Variants in PDE1A observed in about 807,000 individuals in gnomAD.
PDE1A encodes the protein dual specificity calcium/calmodulin-dependent 3',5'-cyclic nucleotide phosphodiesterase 1A.
Under a neutral mutation model 61.7 loss-of-function variants are expected in PDE1A, and 35 were observed. The observed-to-expected ratio is 0.57, with a 90% CI of 0.43 to 0.75. The LOEUF is 0.75. Among genes scored for constraint, PDE1A ranks in the 30% least tolerant of loss-of-function variants. The pLI, the probability that PDE1A is intolerant of heterozygous loss-of-function variation, is 0.00. For synonymous variants in PDE1A, 232 were observed against 213.2 expected, an observed-to-expected ratio of 1.09 and a Z score of -0.77; for missense variants, 597 against 630.6, an observed-to-expected ratio of 0.95 and a Z score of 0.57.
intron 1 of PDE1A, among the ~76,000 whole-genome samples, chr2:182,283,609 T>A (rs1044557549): frequency 2.0e-5 from 3 of 152,002 alleles, no homozygotes; most frequent in African/African-American, 7.2e-5. Context: ...AAAAAATGAG[T>A]TAAATCTTGA....
chr2:182,679,957 GC>G, the PDE1A span, among the ~76,000 whole-genome samples: 2 of 152,142 alleles, frequency 1.3e-5, no homozygotes, highest in African/African-American at 4.8e-5. Flanking sequence ...ACATTATCAA[GC>G]CTCAAAAATT....
chr2:182,259,121 G>A (rs1242268743), intron 2 of PDE1A, among the ~76,000 whole-genome samples: 3 of 152,104 alleles, frequency 2.0e-5, no homozygotes, highest in Non-Finnish European at 2.9e-5. Context: ...CCTAAATGAC[G>A]CTCAATTTCT....
At chr2:182,695,744 C>T in the PDE1A span, among the ~76,000 whole-genome samples, 9 of 148,260 alleles carry the variant, frequency 6.1e-5, no homozygotes, top group Non-Finnish European at 1.3e-4. Context: ...GGAGGAAATA[C>T]TTGCAAACAA....
chr2:182,441,925 A>C (rs79048948), intron 2 of PDE1A, among the ~76,000 whole-genome samples: 1 of 151,948 alleles, frequency 6.6e-6, no homozygotes, highest in Admixed American at 6.6e-5. Flanking sequence ...AAATGAATGA[A>C]TACATTAGGA....
intron 2 of PDE1A, among the ~76,000 whole-genome samples, chr2:182,486,902 T>C (rs1389610572): frequency 6.6e-6 from 1 of 152,076 alleles, no homozygotes; most frequent in Non-Finnish European, 1.5e-5. Context: ...GCATAATCCA[T>C]AAGGGAAAAT....
the PDE1A span, among the ~76,000 whole-genome samples, chr2:182,667,610 G>A: frequency 6.6e-6 from 1 of 152,188 alleles, no homozygotes; most frequent in Non-Finnish European, 1.5e-5. Flanking sequence ...GAAGTCTTTG[G>A]AGTCCTAAAC....
At chr2:182,453,271 C>T (rs928639870) in intron 2 of PDE1A, among the ~76,000 whole-genome samples, 8 of 151,980 alleles carry the variant, frequency 5.3e-5, no homozygotes, top group East Asian at 1.9e-4. Context: ...GAAGCTGATA[C>T]GGTGATGAAA....
chr2:182,592,898 G>C, the PDE1A span, among the ~76,000 whole-genome samples: 1 of 151,888 alleles, frequency 6.6e-6, no homozygotes, highest in Non-Finnish European at 1.5e-5. Flanking sequence ...AATCCACCCA[G>C]TTAGGAACCG....
chr2:182,235,237 G>A lies in PDE1A; in HGVS notation c.351-739C>T, dbSNP rs1447873761. On this transcript the variant is annotated intron_variant, in intron 3 of 13. Transcript: ENST00000351439. ...GTGCTCAATGCAAGCTCCGCCTCCC[G>A]GGTTCAAGTGATTCTCCTGCCTCAG... Among the ~76,000 whole-genome samples, 8 of 152,048 alleles carry A rather than the reference G, an allele frequency of 5.3e-5. No homozygotes were observed. The South Asian group carries it at 1.0e-3, about 20-fold the overall frequency.
At chr2:182,486,331 T>C (rs966151451) in intron 2 of PDE1A, among the ~76,000 whole-genome samples, 4 of 152,034 alleles carry the variant, frequency 2.6e-5, no homozygotes, top group African/African-American at 7.2e-5. Flanking sequence ...ACATTATATG[T>C]TTATGATGAA....
chr2:182,702,076 C>T, the PDE1A span, among the ~76,000 whole-genome samples: 1 of 152,136 alleles, frequency 6.6e-6, no homozygotes, highest in Non-Finnish European at 1.5e-5. Flanking sequence ...CATGCATAAA[C>T]AGTAATAATT....
chr2:182,709,464 TAAAC>T, the PDE1A span, among the ~76,000 whole-genome samples: 3 of 152,172 alleles, frequency 2.0e-5, no homozygotes, highest in Middle Eastern at 3.2e-3. Flanking sequence ...GAAGGAAAGA[TAAAC>T]AAAACCAGAT....
chr2:182,602,988 CACACACATACATACAT>C, the PDE1A span, among the ~76,000 whole-genome samples: 14 of 125,934 alleles, frequency 1.1e-4, no homozygotes, highest in African/African-American at 7.6e-5. Context: ...ACATCACACA[CACACACATACATACAT>C]ACATACATAC....
intron 1 of PDE1A, among the ~76,000 whole-genome samples, chr2:182,371,030 T>C (rs181875655): frequency 1.6e-4 from 25 of 152,110 alleles, no homozygotes; most frequent in African/African-American, 5.8e-4. Flanking sequence ...ATCTGAGAAA[T>C]ACAAAGAAAA....
the PDE1A span, among the ~76,000 whole-genome samples, chr2:182,591,616 T>C: frequency 6.6e-6 from 1 of 152,160 alleles, no homozygotes; most frequent in Non-Finnish European, 1.5e-5. Flanking sequence ...TTATACATTG[T>C]AGGGTTTTCC....
At chr2:182,553,904 A>ATGC in the PDE1A span, among the ~76,000 whole-genome samples, 1 of 152,338 alleles carries the variant, frequency 6.6e-6, no homozygotes, top group African/African-American at 2.4e-5. Context: ...TGGTGGGTGC[A>ATGC]TGCCGAAAAG....
chr2:182,179,462 C>A (rs1684558726), intron 13 of PDE1A, among the ~76,000 whole-genome samples: 1 of 151,704 alleles, frequency 6.6e-6, no homozygotes, highest in Non-Finnish European at 1.5e-5. Context: ...TAAAATTATA[C>A]AAAGAGGGAT....
At chr2:182,644,128 TACAC>T in the PDE1A span, among the ~76,000 whole-genome samples, 1,027 of 129,518 alleles carry the variant, frequency 7.9e-3, 7 homozygotes, top group Non-Finnish European at 0.012. Context: ...AATCAATGAT[TACAC>T]ACACACACAC....
chr2:182,423,811 T>A (rs1222920910), intron 1 of PDE1A, among the ~76,000 whole-genome samples: 2 of 152,022 alleles, frequency 1.3e-5, no homozygotes, highest in Admixed American at 6.6e-5. Flanking sequence ...AAGTGGACAC[T>A]TGTAGTCAAT....
Sources: allele counts gnomAD v4.1 joint callset (sites outside exome capture counted in the v4.1 genomes callset), GRCh38; gene constraint gnomAD v4.1.1; transcripts MANE v1.5; gene names NCBI Gene and HGNC (gene_info 2026-07-23, HGNC 2026-07-21).